Variants in ZNF385D observed in about 807,000 individuals in gnomAD.
ZNF385D encodes the protein zinc finger protein 659.
Under a neutral mutation model 35.8 loss-of-function variants are expected in ZNF385D, and 15 were observed. That is an observed-to-expected ratio of 0.42 (90% confidence interval 0.28 to 0.64). The LOEUF is 0.64. Ranked by LOEUF, ZNF385D falls within the 30% of genes least tolerant of loss-of-function variation. The pLI, the probability that ZNF385D is intolerant of heterozygous loss-of-function variation, is 0.23. For missense variants in ZNF385D, 474 were observed against 494.6 expected (o/e 0.96, Z 0.39); for synonymous variants, 212 against 186.8 (o/e 1.13, Z -1.10).
chr3:21,881,200 A>G (rs1480505882), intron 3 of ZNF385D, among the ~76,000 whole-genome samples: 1 of 151,792 alleles, frequency 6.6e-6, no homozygotes, highest in African/African-American at 2.4e-5. Flanking sequence ...ACAGCCTTAC[A>G]TTGAAAGAGG....
intron 3 of ZNF385D, among the ~76,000 whole-genome samples, chr3:21,767,664 G>A (rs2070889263): frequency 6.6e-6 from 1 of 151,902 alleles, no homozygotes; most frequent in African/African-American, 2.4e-5. Context: ...TGGTGAATGG[G>A]AAGAGAGTTA....
intron 4 of ZNF385D, among the ~76,000 whole-genome samples, chr3:21,500,066 A>G (rs1184071816): frequency 6.6e-6 from 1 of 152,224 alleles, no homozygotes; most frequent in Non-Finnish European, 1.5e-5. Flanking sequence ...GAATGCAATT[A>G]TGATAATTAA....
chr3:21,969,140 G>C (rs946029917), intron 3 of ZNF385D, among the ~76,000 whole-genome samples: 6 of 152,262 alleles, frequency 3.9e-5, no homozygotes, highest in Non-Finnish European at 5.9e-5. Flanking sequence ...TTGTAAAATG[G>C]GGAGGAAAGA....
intron 3 of ZNF385D, among the ~76,000 whole-genome samples, chr3:21,974,461 T>A (rs1057067711): frequency 9.9e-5 from 15 of 152,070 alleles, no homozygotes; most frequent in African/African-American, 3.6e-4. Flanking sequence ...GATCTTAAGC[T>A]AAGAAACTAC....
At chr3:22,321,621 T>TGA (rs1694438594) in intron 2 of ZNF385D, among the ~76,000 whole-genome samples, 2 of 152,130 alleles carry the variant, frequency 1.3e-5, no homozygotes, top group Non-Finnish European at 2.9e-5. Context: ...CACCTCGGCC[T>TGA]CCCAAAGTGC....
intron 1 of ZNF385D, among the ~76,000 whole-genome samples, chr3:21,694,207 C>T (rs888257918): frequency 6.6e-6 from 1 of 151,746 alleles, no homozygotes; most frequent in African/African-American, 2.4e-5. Flanking sequence ...CCACGCCCGG[C>T]TAATTTTTTG....
At chr3:22,039,948 G>A (rs1698565450) in intron 3 of ZNF385D, among the ~76,000 whole-genome samples, 2 of 152,112 alleles carry the variant, frequency 1.3e-5, no homozygotes, top group African/African-American at 4.8e-5. Flanking sequence ...TAGCCATTAC[G>A]ATACCTAGCA....
At chr3:21,546,867 T>G (rs1164701526) in intron 3 of ZNF385D, among the ~76,000 whole-genome samples, 2 of 151,952 alleles carry the variant, frequency 1.3e-5, no homozygotes, top group African/African-American at 4.8e-5. Flanking sequence ...CAAGTCACTT[T>G]TGCACTCACG....
intron 2 of ZNF385D, among the ~76,000 whole-genome samples, chr3:22,286,766 A>G (rs540243610): frequency 2.6e-5 from 4 of 152,244 alleles, no homozygotes; most frequent in Non-Finnish European, 4.4e-5. Context: ...TCACAAAGAA[A>G]TATGTTGAGA....
intron 1 of ZNF385D, among the ~76,000 whole-genome samples, chr3:21,724,962 C>G (rs2068698392): frequency 6.6e-6 from 1 of 151,982 alleles, no homozygotes; most frequent in Non-Finnish European, 1.5e-5. Context: ...TGCAAAAGAA[C>G]AGAAATAATA....
At chr3:22,122,334 T>C (rs1444495013) in intron 3 of ZNF385D, among the ~76,000 whole-genome samples, 1 of 152,184 alleles carries the variant, frequency 6.6e-6, no homozygotes. Context: ...ATTGTTTTTT[T>C]TCCACTGTAA....
chr3:21,535,569 CAGAATA>C (rs1484671406), intron 3 of ZNF385D, among the ~76,000 whole-genome samples: 2 of 151,936 alleles, frequency 1.3e-5, no homozygotes, highest in Non-Finnish European at 1.5e-5. Context: ...GAAGAATTAT[CAGAATA>C]AGAATAAGAG....
intron 3 of ZNF385D, among the ~76,000 whole-genome samples, chr3:22,125,840 C>G (rs1368068088): frequency 2.6e-5 from 4 of 152,016 alleles, no homozygotes; most frequent in Non-Finnish European, 2.9e-5. Flanking sequence ...TTTCCAAATA[C>G]AAGATCATAT....
chr3:21,825,859 C>T (rs970518757), intron 3 of ZNF385D, among the ~76,000 whole-genome samples: 1 of 152,162 alleles, frequency 6.6e-6, no homozygotes, highest in Non-Finnish European at 1.5e-5. Flanking sequence ...AGGTGAGCGC[C>T]GGGAAAGCCA....
chr3:22,066,305 A>AGTGT (rs539082347), intron 3 of ZNF385D, among the ~76,000 whole-genome samples: 4 of 116,004 alleles, frequency 3.4e-5, no homozygotes, highest in African/African-American at 1.3e-4. Flanking sequence ...GTAGCTAAGG[A>AGTGT]GTGTGTGTGT....
intron 3 of ZNF385D, among the ~76,000 whole-genome samples, chr3:22,145,295 T>C (rs1704781714): frequency 1.3e-5 from 2 of 152,222 alleles, no homozygotes; most frequent in Non-Finnish European, 2.9e-5. Context: ...TTGCATCAAC[T>C]TAATACAATT....
At chr3:22,120,849 G>A (rs1703055742) in intron 3 of ZNF385D, among the ~76,000 whole-genome samples, 1 of 152,080 alleles carries the variant, frequency 6.6e-6, no homozygotes, top group Non-Finnish European at 1.5e-5. Context: ...CCCTTGAAAA[G>A]TATTTTTAAA....
intron 3 of ZNF385D, among the ~76,000 whole-genome samples, chr3:22,156,440 A>G (rs895751830): frequency 6.6e-6 from 1 of 152,086 alleles, no homozygotes; most frequent in Non-Finnish European, 1.5e-5. Flanking sequence ...TGCAATGCTC[A>G]GGATTGATTC....
intron 2 of ZNF385D, among the ~76,000 whole-genome samples, chr3:22,190,641 A>G (rs1242759907): frequency 6.6e-6 from 1 of 152,206 alleles, no homozygotes; most frequent in Admixed American, 6.6e-5. Flanking sequence ...GTAATCTGGT[A>G]TTGAAGGAAA....
Sources: allele counts gnomAD v4.1 joint callset (sites outside exome capture counted in the v4.1 genomes callset), GRCh38; gene constraint gnomAD v4.1.1; transcripts MANE v1.5; gene names NCBI Gene and HGNC (gene_info 2026-07-23, HGNC 2026-07-21).